The following PLCXD3 variants were observed in gnomAD, a reference collection of about 807,000 sequenced individuals.
PLCXD3 encodes phosphatidylinositol specific phospholipase C X domain containing 3.
A neutral mutation model predicts 25.5 loss-of-function variants in PLCXD3; 19 were observed. The ratio of observed to expected loss-of-function variants is 0.75; its 90% CI spans 0.52 to 1.09. PLCXD3 has a LOEUF of 1.09. PLCXD3 is among the 50% of genes least tolerant of loss of function. PLCXD3 has a pLI of 0.00. For missense variants in PLCXD3, 411 were observed against 388.1 expected (o/e 1.06, Z -0.50); for synonymous variants, 174 against 137.6 (o/e 1.26, Z -1.85).
In PLCXD3 at chr5:41,335,499, C is replaced by T. The variant is rs79143068; in HGVS notation, c.813-21729G>A. 7.9e-3 allele frequency among the ~76,000 whole-genome samples: 1,199 copies of T among 152,216 alleles called. 17 individuals are homozygous for T. The highest frequency in any genetic ancestry group is 0.011 in the Non-Finnish European group (760 of 68,000). On this transcript the variant is annotated intron_variant, in intron 2 of 2. Coordinates refer to ENST00000377801, the MANE Select transcript of PLCXD3 (RefSeq NM_001005473.3). The stretch of plus-strand genomic sequence containing the variant: ...TTAATCCAGGTTTAGTATTGACTAC[C>T]TACTGCTGATTGGAAGTTCTAGCGT...
At chr5:41,492,943 C>A (rs953614412) in intron 1 of PLCXD3, among the ~76,000 whole-genome samples, 1 of 152,270 alleles carries the variant, frequency 6.6e-6, no homozygotes, top group African/African-American at 2.4e-5. Context: ...CAAAGTCATT[C>A]TCCCTCCAGC....
intron 1 of PLCXD3, among the ~76,000 whole-genome samples, chr5:41,504,036 G>A (rs1749007941): frequency 6.6e-6 from 1 of 151,788 alleles, no homozygotes; most frequent in African/African-American, 2.4e-5. Flanking sequence ...TTCTTGATGG[G>A]TCAGAGCACA....
chr5:41,394,710 A>G (rs962080914), intron 1 of PLCXD3, among the ~76,000 whole-genome samples: 4 of 152,328 alleles, frequency 2.6e-5, no homozygotes, highest in African/African-American at 9.6e-5. Context: ...AACTAAAAGA[A>G]GAGACAAAGA....
At chr5:41,362,686 TAA>T (rs887696972) in intron 2 of PLCXD3, among the ~76,000 whole-genome samples, 11 of 152,336 alleles carry the variant, frequency 7.2e-5, no homozygotes, top group Admixed American at 4.6e-4. Flanking sequence ...ATTTATGAGT[TAA>T]GTTTTAAATG....
At chr5:41,330,105 T>C (rs1743750683) in intron 2 of PLCXD3, among the ~76,000 whole-genome samples, 2 of 152,042 alleles carry the variant, frequency 1.3e-5, no homozygotes, top group African/African-American at 4.8e-5. Context: ...TTGAATGAAA[T>C]AAATTTCCAA....
intron 2 of PLCXD3, among the ~76,000 whole-genome samples, chr5:41,350,092 ACT>A (rs901587764): frequency 6.6e-6 from 1 of 152,104 alleles, no homozygotes; most frequent in African/African-American, 2.4e-5. Flanking sequence ...AGAAATTTTC[ACT>A]GTCTCCTGCA....
intron 1 of PLCXD3, among the ~76,000 whole-genome samples, chr5:41,444,986 A>G (rs537153592): frequency 6.6e-6 from 1 of 152,256 alleles, no homozygotes; most frequent in African/African-American, 2.4e-5. Context: ...GTAAGAGCTT[A>G]TTAGATGCTC....
At chr5:41,414,036 A>G (rs750239194) in intron 1 of PLCXD3, among the ~76,000 whole-genome samples, 31 of 151,978 alleles carry the variant, frequency 2.0e-4, no homozygotes, top group Non-Finnish European at 4.1e-4. Flanking sequence ...GTTTTTTTAG[A>G]TACACAGTAG....
chr5:41,321,331 C>A (rs1743464769), intron 2 of PLCXD3, among the ~76,000 whole-genome samples: 1 of 152,098 alleles, frequency 6.6e-6, no homozygotes, highest in Admixed American at 6.5e-5. Context: ...AAGAAGCAAT[C>A]CCATTTACAA....
At chr5:41,327,156 A>G (rs1743654209) in intron 2 of PLCXD3, among the ~76,000 whole-genome samples, 3 of 152,182 alleles carry the variant, frequency 2.0e-5, no homozygotes, top group Non-Finnish European at 4.4e-5. Flanking sequence ...AAGGTATCAT[A>G]AGAAAAGGGA....
chr5:41,357,847 C>T (rs1219847492), intron 2 of PLCXD3, among the ~76,000 whole-genome samples: 1 of 152,180 alleles, frequency 6.6e-6, no homozygotes, highest in Non-Finnish European at 1.5e-5. Flanking sequence ...CATATAGCAT[C>T]TGACAATTAG....
intron 2 of PLCXD3, among the ~76,000 whole-genome samples, chr5:41,381,573 G>A (rs1472339773): frequency 6.6e-6 from 1 of 152,004 alleles, no homozygotes; most frequent in Non-Finnish European, 1.5e-5. Flanking sequence ...CTAGGAGAGA[G>A]GCATGAAACA....
chr5:41,454,482 C>A (rs571678159), intron 1 of PLCXD3, among the ~76,000 whole-genome samples: 1 of 152,040 alleles, frequency 6.6e-6, no homozygotes, highest in Admixed American at 6.6e-5. Context: ...TATAAGAGTG[C>A]TAATCCCATT....
chr5:41,326,425 T>C (rs1286248113), intron 2 of PLCXD3, among the ~76,000 whole-genome samples: 3 of 152,178 alleles, frequency 2.0e-5, no homozygotes, highest in Non-Finnish European at 2.9e-5. Flanking sequence ...CTGCAAGATA[T>C]ACCCAACTCT....
intron 2 of PLCXD3, among the ~76,000 whole-genome samples, chr5:41,329,948 C>A (rs1303795934): frequency 6.6e-5 from 10 of 151,450 alleles, no homozygotes; most frequent in Admixed American, 1.3e-4. Context: ...ACCTTTATAA[C>A]AATTGTATTT....
chr5:41,399,850 G>A (rs550659075), intron 1 of PLCXD3, among the ~76,000 whole-genome samples: 3 of 152,014 alleles, frequency 2.0e-5, no homozygotes, highest in East Asian at 3.9e-4. Flanking sequence ...ATATGGGATC[G>A]CATCAAATTA....
chr5:41,468,852 A>G (rs1235544670), intron 1 of PLCXD3, among the ~76,000 whole-genome samples: 1 of 152,134 alleles, frequency 6.6e-6, no homozygotes, highest in African/African-American at 2.4e-5. Context: ...CTCTATTGCT[A>G]TGAGTATGAC....
intron 2 of PLCXD3, among the ~76,000 whole-genome samples, chr5:41,350,737 A>G (rs1744435571): frequency 2.0e-5 from 3 of 152,242 alleles, no homozygotes; most frequent in Admixed American, 1.3e-4. Flanking sequence ...AAAGAGCTTT[A>G]TGAAGTACAG....
chr5:41,369,344 A>T (rs1745026347), intron 2 of PLCXD3, among the ~76,000 whole-genome samples: 1 of 152,146 alleles, frequency 6.6e-6, no homozygotes, highest in African/African-American at 2.4e-5. Context: ...CACTTGATCA[A>T]ATTTTCCTAC....
Sources: allele counts gnomAD v4.1 joint callset (sites outside exome capture counted in the v4.1 genomes callset), GRCh38; gene constraint gnomAD v4.1.1; transcripts MANE v1.5; gene names NCBI Gene and HGNC (gene_info 2026-07-23, HGNC 2026-07-21).